DAPK2: variants seen among roughly 807,000 people sequenced by gnomAD.
DAPK2 encodes death-associated protein kinase 2.
A neutral mutation model predicts 44.1 loss-of-function variants in DAPK2; 35 were observed. That is an observed-to-expected ratio of 0.79 (90% CI 0.61 to 1.05). DAPK2 has a LOEUF of 1.05. DAPK2 is among the 50% of genes least tolerant of loss of function. The probability of loss-of-function intolerance (pLI) is 0.00; values close to 1 mark genes in which losing one functional copy is unlikely to be tolerated. For synonymous variants in DAPK2, 174 were observed against 182.6 expected, an observed-to-expected ratio of 0.95 and a Z score of 0.38; for missense variants, 453 against 483.2, an observed-to-expected ratio of 0.94 and a Z score of 0.59.
At chr15:63,979,071 C>T (rs1329077211) in intron 2 of DAPK2, among the ~76,000 whole-genome samples, 2 of 152,200 alleles carry the variant, frequency 1.3e-5, no homozygotes, top group African/African-American at 4.8e-5. Context: ...TATGCAACCA[C>T]CACGGTATCG....
intron 3 of DAPK2, among the ~76,000 whole-genome samples, chr15:63,961,454 T>C (rs1263581941): frequency 6.6e-6 from 1 of 152,246 alleles, no homozygotes; most frequent in Non-Finnish European, 1.5e-5. Flanking sequence ...TCTTTACAAT[T>C]TGGCATGTTT....
At chr15:64,023,385 A>T (rs1395282177) in intron 1 of DAPK2, among the ~76,000 whole-genome samples, 1 of 152,222 alleles carries the variant, frequency 6.6e-6, no homozygotes, top group Non-Finnish European at 1.5e-5. Flanking sequence ...CCATAAAGGA[A>T]TTGGCTTGTG....
intron 3 of DAPK2, among the ~76,000 whole-genome samples, chr15:63,952,514 G>A (rs1487262173): frequency 2.0e-5 from 3 of 152,118 alleles, no homozygotes; most frequent in Non-Finnish European, 2.9e-5. Context: ...GAGGAACAGT[G>A]GATGAGGACA....
In DAPK2 at chr15:63,990,684, A is replaced by T. The variant is rs2078794329; in HGVS notation, c.93-6930T>A. Among the ~76,000 whole-genome samples the T allele has an allele frequency of 6.6e-6, 1 of 152,206 alleles. No homozygotes were observed. The highest frequency in any genetic ancestry group is 2.4e-5 in the African/African-American group (1 of 41,446). ...CTTCCTCCTCCTGCTTCCCCACCGC[A>T]GACACCGCAGTTCCTCTTTCCACTC... On this transcript the variant is annotated intron_variant, in intron 1 of 10. Transcript: ENST00000261891. This position sits in a 1 kb window ranked among gnomAD's most constrained non-coding sequence, Gnocchi z 4.3.
intron 3 of DAPK2, among the ~76,000 whole-genome samples, chr15:63,959,530 T>A (rs183420063): frequency 5.3e-5 from 8 of 152,368 alleles, no homozygotes; most frequent in Non-Finnish European, 8.8e-5. Flanking sequence ...ACACGTCCCA[T>A]CAATACCTAG....
At chr15:63,983,509 G>C (rs372821073) in intron 2 of DAPK2, 24 bp downstream of exon 3, 337 of 1,605,906 alleles carry the variant, frequency 2.1e-4, no homozygotes, top group Non-Finnish European at 2.6e-4. Context: ...CCCCAACCCT[G>C]TGGGTCCTGG....
At chr15:63,957,354 T>G (rs933802007) in intron 3 of DAPK2, among the ~76,000 whole-genome samples, 4 of 150,872 alleles carry the variant, frequency 2.7e-5, no homozygotes, top group African/African-American at 7.4e-5. Flanking sequence ...TTGGGTCTGG[T>G]TTTTTCTTTA....
chr15:63,977,619 G>T (rs2078389820), intron 2 of DAPK2, among the ~76,000 whole-genome samples: 1 of 152,208 alleles, frequency 6.6e-6, no homozygotes, highest in South Asian at 2.1e-4. Flanking sequence ...ACCGTACATG[G>T]TGTCATCATC....
At chr15:63,977,710 T>C (rs566913487) in intron 2 of DAPK2, among the ~76,000 whole-genome samples, 163 of 152,288 alleles carry the variant, frequency 1.1e-3, no homozygotes, top group Non-Finnish European at 1.8e-3. Flanking sequence ...TCCCAAACAT[T>C]TCCTCACTTG....
intron 1 of DAPK2, among the ~76,000 whole-genome samples, chr15:63,997,519 T>A (rs896764304): frequency 1.3e-5 from 2 of 152,222 alleles, no homozygotes; most frequent in South Asian, 4.1e-4. Flanking sequence ...TTAGTAGACA[T>A]GCGGTTTCAC....
At chr15:64,044,861 C>T (rs977243349), upstream of DAPK2, among the ~76,000 whole-genome samples, 4 of 152,172 alleles carry the variant, frequency 2.6e-5, no homozygotes, top group East Asian at 3.8e-4. Context: ...AAAACACACA[C>T]GACCGTCTCA....
Position 63,960,706 on chromosome 15 carries a change from G to T in DAPK2, c.453+10717C>A, listed in dbSNP as rs545670718. Among the ~76,000 whole-genome samples, 4 of 152,338 alleles carry T rather than the reference G, an allele frequency of 2.6e-5. No homozygotes were observed. In the East Asian group the frequency reaches 7.7e-4, roughly 29 times the overall value. On this transcript the variant is annotated intron_variant, in intron 3 of 10. Coordinates refer to ENST00000261891, the Ensembl canonical transcript of DAPK2. ...CGAGTTATAGTTTGATTGCACTGTGGTCTGAGAGACAGTTATAATATCTGT... is the reference window on the plus strand; with the variant it reads ...CGAGTTATAGTTTGATTGCACTGTGTTCTGAGAGACAGTTATAATATCTGT...
At chr15:63,957,029 C>T (rs2140582236) in intron 3 of DAPK2, among the ~76,000 whole-genome samples, 1 of 152,320 alleles carries the variant, frequency 6.6e-6, no homozygotes, top group African/African-American at 2.4e-5. Context: ...GTCTATAATG[C>T]ATATTAAGTC....
chr15:64,038,995 C>A lies in DAPK2; in HGVS notation c.92+1175G>T, dbSNP rs1049231510. Reference sequence around the variant, plus strand: ...TCTTATCTACCTATGACCTGGAAGCCCCCTCCCCATTAGAGCCTTCCCATC... The same window carrying A: ...TCTTATCTACCTATGACCTGGAAGCACCCTCCCCATTAGAGCCTTCCCATC... On this transcript the variant is annotated intron_variant, in intron 1 of 10. Transcript: ENST00000261891. Among the ~76,000 whole-genome samples, 5 of 152,168 alleles carry A rather than the reference C, an allele frequency of 3.3e-5. 1 individual carries two copies. The highest frequency in any genetic ancestry group is 7.4e-5 in the Non-Finnish European group (5 of 68,016).
chr15:64,032,761 G>C lies in DAPK2; in HGVS notation c.92+7409C>G, dbSNP rs551157465. 2.2e-3 allele frequency among the ~76,000 whole-genome samples: 331 copies of C among 151,928 alleles called. 1 individual carries two copies. Among genetic ancestry groups the C allele is most frequent in the Non-Finnish European group, 2.7e-3 (185 of 67,934 alleles). Reference sequence around the variant, plus strand: ...AACCCAGGAGTTCAAGACCAGCCTGGGTAACATGGCGAAACCCTGTCCCTA... The same window carrying C: ...AACCCAGGAGTTCAAGACCAGCCTGCGTAACATGGCGAAACCCTGTCCCTA... On this transcript the variant is annotated intron_variant, in intron 1 of 10. Coordinates refer to ENST00000261891, the Ensembl canonical transcript of DAPK2.
upstream of DAPK2, among the ~76,000 whole-genome samples, chr15:64,041,531 T>C (rs1175439236): frequency 6.6e-6 from 1 of 152,156 alleles, no homozygotes; most frequent in African/African-American, 2.4e-5. Flanking sequence ...AGTCTGCAAA[T>C]CACAAGAATA....
At chr15:63,989,742 AG>A (rs1396921084) in intron 1 of DAPK2, among the ~76,000 whole-genome samples, 2 of 152,154 alleles carry the variant, frequency 1.3e-5, no homozygotes, top group East Asian at 3.9e-4. Flanking sequence ...CCCAGGCTGG[AG>A]TACAGTGGTG....
At chr15:64,037,584 T>C (rs1319702806) in intron 1 of DAPK2, among the ~76,000 whole-genome samples, 1 of 152,214 alleles carries the variant, frequency 6.6e-6, no homozygotes, top group Non-Finnish European at 1.5e-5. Context: ...ACTGCTTGGA[T>C]GGTGCGTGGC....
At chr15:63,982,964 A>G (rs1239957048) in intron 2 of DAPK2, among the ~76,000 whole-genome samples, 1 of 152,258 alleles carries the variant, frequency 6.6e-6, no homozygotes, top group African/African-American at 2.4e-5. Flanking sequence ...GAACAAGACG[A>G]CAGATAGAAA....
Sources: allele counts gnomAD v4.1 joint callset (sites outside exome capture counted in the v4.1 genomes callset), GRCh38; gene constraint gnomAD v4.1.1; non-coding constraint Gnocchi (gnomAD v3.1); transcripts MANE v1.5; gene names NCBI Gene and HGNC (gene_info 2026-07-23, HGNC 2026-07-21).